EBF3: variants seen among roughly 807,000 people sequenced by gnomAD.
The protein encoded by EBF3 is transcription factor COE3.
A neutral mutation model predicts 77.1 loss-of-function variants in EBF3; 18 were observed. The ratio of observed to expected loss-of-function variants is 0.23; its 90% CI spans 0.16 to 0.35. The LOEUF is 0.35. Among genes scored for constraint, EBF3 ranks in the 10% least tolerant of loss-of-function variants. The pLI is 1.00. For synonymous variants in EBF3, 350 were observed against 343.5 expected, an observed-to-expected ratio of 1.02 and a Z score of -0.21; for missense variants, 558 against 860.0, an observed-to-expected ratio of 0.65 and a Z score of 4.39.
chr10:129,931,526 A>G (rs1436931950), intron 6 of EBF3, among the ~76,000 whole-genome samples: 1 of 152,238 alleles, frequency 6.6e-6, no homozygotes, highest in Admixed American at 6.5e-5. Flanking sequence ...AATGACATAT[A>G]GCAAGTAGCC....
At chr10:129,900,065 AG>A (rs1349669218) in intron 6 of EBF3, among the ~76,000 whole-genome samples, 3 of 152,242 alleles carry the variant, frequency 2.0e-5, no homozygotes. Flanking sequence ...AGCAATTCAA[AG>A]CAACAAAATA....
chr10:129,867,933 AG>A, intron 8 of EBF3, 21 bp from the exon 9 acceptor site: 1 of 1,612,648 alleles, frequency 6.2e-7, no homozygotes, highest in South Asian at 1.1e-5. Context: ...AAGACAGAGA[AG>A]GCAGACCTTA....
At chr10:129,904,822 G>A (rs935325622) in intron 6 of EBF3, among the ~76,000 whole-genome samples, 4 of 152,218 alleles carry the variant, frequency 2.6e-5, no homozygotes, top group African/African-American at 9.6e-5. Context: ...TTTCTTGAAT[G>A]AATAAATGAA....
intron 6 of EBF3, among the ~76,000 whole-genome samples, chr10:129,930,486 CCT>C (rs937426056): frequency 1.4e-5 from 2 of 146,512 alleles, no homozygotes; most frequent in East Asian, 2.0e-4. Flanking sequence ...AACAAATCCC[CCT>C]CTCATATATC....
At chr10:129,949,333 G>A (rs1013703475) in intron 6 of EBF3, among the ~76,000 whole-genome samples, 2 of 152,128 alleles carry the variant, frequency 1.3e-5, no homozygotes, top group Non-Finnish European at 2.9e-5. Context: ...AAAGAAAAGA[G>A]AAAAAGAAAA....
Position 129,863,130 on chromosome 10 carries a change from A to G in EBF3, c.1039+4011T>C, listed in dbSNP as rs1174976291. Among the ~76,000 whole-genome samples the G allele has an allele frequency of 6.6e-6, 1 of 152,244 alleles. No individual in the cohort carries two copies. The highest frequency in any genetic ancestry group is 2.4e-5 in the African/African-American group (1 of 41,468). On this transcript the variant is annotated intron_variant, in intron 10 of 16. Coordinates refer to ENST00000440978, the MANE Select transcript of EBF3 (RefSeq NM_001375380.1). This position sits in a 1 kb window ranked among gnomAD's most constrained non-coding sequence, Gnocchi z 4.0. ...TTACTATTAACTGGCAATTACATAC[A>G]GAGTGATTGTTAATTCTGCTCCTAA...
At chr10:129,957,446 T>C in intron 5 of EBF3, 120 bp from the exon 6 acceptor site, 1 of 775,142 alleles carries the variant, frequency 1.3e-6, no homozygotes, top group South Asian at 1.9e-5. Context: ...ACCAAGGCAG[T>C]TTGGAGAATT....
chr10:129,933,303 T>C (rs1857152197), intron 6 of EBF3, among the ~76,000 whole-genome samples: 1 of 152,198 alleles, frequency 6.6e-6, no homozygotes, highest in Non-Finnish European at 1.5e-5. Context: ...TAATAACTGC[T>C]GCGAATTATG....
At chr10:129,881,480 G>A (rs1045577897) in intron 6 of EBF3, among the ~76,000 whole-genome samples, 3 of 152,152 alleles carry the variant, frequency 2.0e-5, no homozygotes, top group Admixed American at 1.3e-4. Flanking sequence ...ACTGCTACAC[G>A]CCAGGCGCGG....
At chr10:129,900,683 T>C (rs2134241906) in intron 6 of EBF3, among the ~76,000 whole-genome samples, 1 of 152,368 alleles carries the variant, frequency 6.6e-6, no homozygotes, top group African/African-American at 2.4e-5. Flanking sequence ...GCCCCCAACA[T>C]TGATGGTGCT....
At chr10:129,899,011 C>A (rs1420273549) in intron 6 of EBF3, among the ~76,000 whole-genome samples, 2 of 152,184 alleles carry the variant, frequency 1.3e-5, no homozygotes, top group African/African-American at 4.8e-5. Flanking sequence ...CACGGCTACA[C>A]GTCGGAGCGC....
chr10:129,840,192 C>CCCAA, intron 15 of EBF3, 53 bp downstream of exon 15: 10 of 773,724 alleles, frequency 1.3e-5, no homozygotes, highest in Non-Finnish European at 2.1e-5. Context: ...CCACTCCCAT[C>CCCAA]CCCACCCCTG....
intron 6 of EBF3, among the ~76,000 whole-genome samples, chr10:129,922,777 C>G (rs1299586613): frequency 6.6e-6 from 1 of 152,222 alleles, no homozygotes; most frequent in East Asian, 1.9e-4. Flanking sequence ...CTGACGGGAC[C>G]ACCCAGAGCT....
intron 6 of EBF3, among the ~76,000 whole-genome samples, chr10:129,914,693 G>A (rs575617423): frequency 1.1e-4 from 16 of 152,214 alleles, no homozygotes; most frequent in South Asian, 1.0e-3. Context: ...GGGGCAGGGC[G>A]GGCCCATGCT....
chr10:129,840,440 C>A lies in EBF3; in HGVS notation c.1564G>T (p.Val522Leu), dbSNP rs1243189082. 2 of 1,550,286 alleles carry A rather than the reference C, an allele frequency of 1.3e-6. No homozygotes were observed. Among genetic ancestry groups the A allele is most frequent in the African/African-American group, 2.7e-5 (2 of 73,158 alleles). Residue 522 changes from valine (V) to leucine (L), a missense_variant and splice_region_variant, in exon 15 of 17, where the codon GTG becomes TTG. This residue lies in a region of EBF3 where 284 missense variants were observed against 368.3 expected (regional missense o/e 0.77). Transcript: ENST00000440978. ...GCTGCCATGGTGGGGCTGGACGGCA[C>A]TACTGCAACAAAGCAAACACGGTCA... Reference protein sequence around the residue: ...GSSANSPYGIVPSSPTMAASS... With the variant: ...GSSANSPYGILPSSPTMAASS...
At position 129,938,551 on chromosome 10, in the gene EBF3, C is replaced by T. The variant is rs986546725; in HGVS notation, c.554+18707G>A. Among the ~76,000 whole-genome samples, 76 of 151,544 alleles carry T rather than the reference C, an allele frequency of 5.0e-4. 1 individual carries two copies. Among genetic ancestry groups the T allele is most frequent in the Non-Finnish European group, 4.4e-5 (3 of 67,952 alleles). On this transcript the variant is annotated intron_variant, in intron 6 of 16. Transcript: ENST00000440978. This position sits in a 1 kb window ranked among gnomAD's most constrained non-coding sequence, Gnocchi z 5.1. ...TGGGTGGCAGAGTGAGACCCTGTCT[C>T]GAAAATAAAATAAATAAAAGTAAAA...
In EBF3 at chr10:129,885,986, T is replaced by C. The variant is rs140360439; in HGVS notation, c.555-8137A>G. ...TCCTGATTCCTGATGGCTGGGGAGG[T>C]CATTCTCAAAATAAATGTGGGTGAG... On this transcript the variant is annotated intron_variant, in intron 6 of 16. Coordinates refer to ENST00000440978, the MANE Select transcript of EBF3 (RefSeq NM_001375380.1). This position sits in a 1 kb window ranked among gnomAD's most constrained non-coding sequence, Gnocchi z 4.0. Among the ~76,000 whole-genome samples the C allele has an allele frequency of 5.3e-3, 801 of 151,822 alleles. 6 individuals carry two copies. The highest frequency in any genetic ancestry group is 0.018 in the African/African-American group (761 of 41,402).
At chr10:129,857,642 G>A (rs555679420) in intron 10 of EBF3, among the ~76,000 whole-genome samples, 1 of 152,190 alleles carries the variant, frequency 6.6e-6, no homozygotes, top group Non-Finnish European at 1.5e-5. Context: ...AAGTCAGTGT[G>A]ATAGCAAATG....
chr10:129,873,378 A>G, intron 8 of EBF3, 74 bp downstream of exon 8: 2 of 1,403,872 alleles, frequency 1.4e-6, no homozygotes, highest in South Asian at 1.9e-5. Flanking sequence ...GTAACTCCAC[A>G]TGAATGAACA....
Sources: gnomAD v4.1 joint callset for allele counts (sites outside exome capture counted in the v4.1 genomes callset) on GRCh38, gnomAD v4.1.1 for gene constraint, gnomAD v4.1.1 regional missense constraint, Gnocchi (gnomAD v3.1) non-coding constraint, MANE v1.5 for transcripts, NCBI Gene and HGNC (gene_info 2026-07-23, HGNC 2026-07-21) for gene names.